THSD4: variants seen among roughly 807,000 people sequenced by gnomAD.
The protein encoded by THSD4 is thrombospondin type-1 domain-containing protein 4.
Under a neutral mutation model 119.0 loss-of-function variants are expected in THSD4, and 69 were observed. The ratio of observed to expected loss-of-function variants is 0.58; its 90% CI spans 0.48 to 0.71. THSD4 has a LOEUF of 0.71. Ranked by LOEUF, THSD4 falls within the 30% of genes least tolerant of loss-of-function variation. The pLI is 0.00. For synonymous variants in THSD4, 524 were observed against 540.4 expected (o/e 0.97, Z 0.42); for missense variants, 1,393 against 1,391.1 (o/e 1.00, Z -0.02).
At chr15:71,519,117 C>T (rs1018906771) in intron 7 of THSD4, among the ~76,000 whole-genome samples, 10 of 152,024 alleles carry the variant, frequency 6.6e-5, no homozygotes, top group African/African-American at 2.4e-5. Context: ...TGAACTCAGA[C>T]CTGAGTGATA....
At chr15:71,507,674 C>G (rs962136542) in intron 7 of THSD4, among the ~76,000 whole-genome samples, 4 of 152,146 alleles carry the variant, frequency 2.6e-5, no homozygotes, top group Admixed American at 2.6e-4. Flanking sequence ...ACCCCAAGCT[C>G]CAGGAAGGCA....
intron 3 of THSD4, among the ~76,000 whole-genome samples, chr15:71,196,411 C>G (rs756065216): frequency 6.6e-6 from 1 of 152,078 alleles, no homozygotes; most frequent in Non-Finnish European, 1.5e-5. Context: ...AAGAACTGTA[C>G]GATCCAAATT....
chr15:71,672,632 A>G (rs968877217), intron 8 of THSD4, among the ~76,000 whole-genome samples: 12 of 152,176 alleles, frequency 7.9e-5, no homozygotes, highest in Admixed American at 6.5e-4. Flanking sequence ...GTTTGTCATG[A>G]ATAGCTCTTA....
At chr15:71,385,215 C>T (rs1201025969) in intron 6 of THSD4, among the ~76,000 whole-genome samples, 2 of 152,258 alleles carry the variant, frequency 1.3e-5, no homozygotes, top group African/African-American at 4.8e-5. Flanking sequence ...GCTCTAGACA[C>T]AACGCTGTGG....
chr15:71,530,099 A>G (rs1321474991), intron 7 of THSD4, among the ~76,000 whole-genome samples: 4 of 152,202 alleles, frequency 2.6e-5, no homozygotes, highest in Non-Finnish European at 5.9e-5. Context: ...CAGCCTTCAA[A>G]ACTATCTTCT....
intron 7 of THSD4, among the ~76,000 whole-genome samples, chr15:71,622,032 A>G (rs936708284): frequency 7.9e-5 from 12 of 152,346 alleles, no homozygotes; most frequent in African/African-American, 2.9e-4. Flanking sequence ...AATGAGGCCC[A>G]GAGGTGTGGT....
chr15:71,706,175 A>G (rs1267053450), intron 8 of THSD4, among the ~76,000 whole-genome samples: 1 of 152,166 alleles, frequency 6.6e-6, no homozygotes, highest in Non-Finnish European at 1.5e-5. Context: ...CAGTGTGGGC[A>G]CCAACCTGGG....
At chr15:71,342,716 T>C (rs986238205) in intron 6 of THSD4, 6 of 152,300 alleles carry the variant, frequency 3.9e-5, no homozygotes, top group African/African-American at 1.4e-4. Context: ...ACCTCAGCCA[T>C]GGACGGTGCC....
At chr15:71,426,581 A>G (rs974818319) in intron 7 of THSD4, among the ~76,000 whole-genome samples, 60 of 152,294 alleles carry the variant, frequency 3.9e-4, no homozygotes, top group African/African-American at 1.4e-3. Context: ...AACCAAGAGA[A>G]TAATTGGATT....
Position 71,663,759 on chromosome 15 carries a change from C to A in THSD4, c.1357+3025C>A, listed in dbSNP as rs1340031358. ...ATTGTACATTGTCAAACACTGAAAC[C>A]TTTTTCAAAGAGATATGTGGTAGGT... is the stretch of plus-strand genomic sequence containing the variant. On this transcript the variant is annotated intron_variant, in intron 8 of 17. Transcript: ENST00000261862. 2.0e-5 allele frequency among the ~76,000 whole-genome samples: 3 copies of A among 152,098 alleles called. No individual in the cohort carries two copies. The East Asian group carries it at 5.8e-4, about 29-fold the overall frequency.
At chr15:71,667,672 TA>T (rs569770023) in intron 8 of THSD4, among the ~76,000 whole-genome samples, 26 of 152,368 alleles carry the variant, frequency 1.7e-4, no homozygotes, top group African/African-American at 5.5e-4. Flanking sequence ...CAGCTTTCTT[TA>T]CAGGAAACAT....
intron 8 of THSD4, among the ~76,000 whole-genome samples, chr15:71,662,282 G>A (rs2051326077): frequency 6.6e-6 from 1 of 151,930 alleles, no homozygotes. Context: ...AGGAGGAAGG[G>A]ATGGCAGATG....
At chr15:71,447,422 C>T (rs150689650) in intron 7 of THSD4, among the ~76,000 whole-genome samples, 141 of 152,294 alleles carry the variant, frequency 9.3e-4, no homozygotes, top group African/African-American at 3.1e-3. Context: ...TGAGCCACCA[C>T]GCCCAGCCCT....
At chr15:71,320,013 G>A (rs543054165) in intron 6 of THSD4, among the ~76,000 whole-genome samples, 2 of 152,176 alleles carry the variant, frequency 1.3e-5, no homozygotes, top group African/African-American at 2.4e-5. Flanking sequence ...TAAATTGGTG[G>A]TTGTTGTTAG....
intron 7 of THSD4, among the ~76,000 whole-genome samples, chr15:71,548,830 A>G (rs1316059384): frequency 6.6e-6 from 1 of 152,144 alleles, no homozygotes; most frequent in Non-Finnish European, 1.5e-5. Flanking sequence ...GCGAGAGGAG[A>G]GCTCATATGG....
In THSD4 at chr15:71,314,966, T is replaced by G. The variant is rs1052165602; in HGVS notation, c.1015+58251T>G. ...TTTAAAACAGTTTTCTGGGGATAATTTTTCTAAAGATTCAGGCTCATAGTT... is the reference window on the plus strand; with the variant it reads ...TTTAAAACAGTTTTCTGGGGATAATGTTTCTAAAGATTCAGGCTCATAGTT... On this transcript the variant is annotated intron_variant, in intron 6 of 17. Coordinates refer to ENST00000261862, the MANE Select transcript of THSD4 (RefSeq NM_024817.3). Among the ~76,000 whole-genome samples, 2 of 152,202 alleles carry G rather than the reference T, an allele frequency of 1.3e-5. 1 individual carries two copies. The highest frequency in any genetic ancestry group is 1.3e-4 in the Admixed American group (2 of 15,282).
intron 7 of THSD4, among the ~76,000 whole-genome samples, chr15:71,615,093 T>C (rs910527138): frequency 2.0e-5 from 3 of 152,238 alleles, no homozygotes; most frequent in Non-Finnish European, 2.9e-5. Flanking sequence ...TACACTACTT[T>C]CTATGTAAAT....
chr15:71,585,242 CTGTT>C (rs1420933524), intron 7 of THSD4, among the ~76,000 whole-genome samples: 4 of 152,158 alleles, frequency 2.6e-5, no homozygotes, highest in East Asian at 3.9e-4. Flanking sequence ...TTGGAGAACT[CTGTT>C]TGGTATTTCT....
chr15:71,155,441 C>T (rs2040767401), intron 3 of THSD4, among the ~76,000 whole-genome samples: 2 of 152,162 alleles, frequency 1.3e-5, no homozygotes, highest in Non-Finnish European at 2.9e-5. Flanking sequence ...GATTACAATT[C>T]GACATGAGAT....
Sources: allele counts gnomAD v4.1 joint callset (sites outside exome capture counted in the v4.1 genomes callset), GRCh38; gene constraint gnomAD v4.1.1; transcripts MANE v1.5; gene names NCBI Gene and HGNC (gene_info 2026-07-23, HGNC 2026-07-21).